Variants in ZNF618 observed in about 807,000 individuals in gnomAD.
The protein encoded by ZNF618 is neural precursor cell expressed, developmentally down-regulated 10.
A neutral mutation model predicts 103.0 loss-of-function variants in ZNF618; 34 were observed. The observed-to-expected ratio is 0.33, with a 90% CI of 0.25 to 0.44. The LOEUF (loss-of-function observed/expected upper bound fraction) is 0.44. Ranked by LOEUF, ZNF618 falls within the 20% of genes least tolerant of loss-of-function variation. The pLI is 1.00. For missense variants in ZNF618, 1,059 were observed against 1,295.4 expected (o/e 0.82, Z 2.80); for synonymous variants, 551 against 542.2 (o/e 1.02, Z -0.23).
chr9:113,960,081 C>T (rs936869575), intron 1 of ZNF618, among the ~76,000 whole-genome samples: 5 of 152,242 alleles, frequency 3.3e-5, no homozygotes, highest in African/African-American at 9.6e-5. Flanking sequence ...TAAACAACAA[C>T]AGCAACAAAA....
At chr9:114,040,073 A>T (rs1845004358) in intron 13 of ZNF618, among the ~76,000 whole-genome samples, 1 of 150,866 alleles carries the variant, frequency 6.6e-6, no homozygotes. Context: ...GAGAAGAAAA[A>T]GTCTTAAATC....
intron 13 of ZNF618, among the ~76,000 whole-genome samples, chr9:114,045,011 C>T (rs1293353642): frequency 1.3e-5 from 2 of 151,960 alleles, no homozygotes; most frequent in Admixed American, 1.3e-4. Flanking sequence ...GGTATATAAT[C>T]ATATCATCAG....
chr9:114,024,599 A>G (rs1371909892), intron 10 of ZNF618, among the ~76,000 whole-genome samples: 2 of 152,276 alleles, frequency 1.3e-5, no homozygotes, highest in Non-Finnish European at 2.9e-5. Flanking sequence ...CTTCTAAGGC[A>G]TGGCCTTTCT....
chr9:114,012,147 C>T (rs564572680), intron 9 of ZNF618, among the ~76,000 whole-genome samples: 1 of 152,104 alleles, frequency 6.6e-6, no homozygotes, highest in Non-Finnish European at 1.5e-5. Flanking sequence ...TTCTGTTTGA[C>T]AACCTCCATC....
At chr9:114,002,178 C>G in intron 5 of ZNF618, 105 bp downstream of exon 5, 2 of 960,758 alleles carry the variant, frequency 2.1e-6, no homozygotes, top group South Asian at 1.3e-5. Flanking sequence ...CCTGACAGCT[C>G]CAGCCTTTCC....
chr9:113,971,728 T>G (rs1278407105), intron 2 of ZNF618, among the ~76,000 whole-genome samples: 1 of 152,126 alleles, frequency 6.6e-6, no homozygotes, highest in African/African-American at 2.4e-5. Context: ...CTGAATTGAG[T>G]ATTATCCCCC....
chr9:113,961,304 C>G (rs1014643057), intron 1 of ZNF618, among the ~76,000 whole-genome samples: 6 of 152,220 alleles, frequency 3.9e-5, no homozygotes, highest in African/African-American at 1.2e-4. Context: ...GTCCCCTTCA[C>G]TGTTCTTGTT....
intron 2 of ZNF618, among the ~76,000 whole-genome samples, chr9:113,983,030 G>A (rs894924628): frequency 6.6e-6 from 1 of 152,134 alleles, no homozygotes; most frequent in Admixed American, 6.5e-5. Context: ...CATATCTTGA[G>A]CAACTATTTT....
intron 1 of ZNF618, among the ~76,000 whole-genome samples, chr9:113,958,871 G>A (rs960624344): frequency 5.9e-5 from 9 of 152,212 alleles, no homozygotes; most frequent in Non-Finnish European, 1.2e-4. Context: ...GCAGCCCATC[G>A]GAGGACAGAA....
chr9:113,924,384 T>G (rs369923271), intron 1 of ZNF618, among the ~76,000 whole-genome samples: 10 of 150,454 alleles, frequency 6.6e-5, no homozygotes, highest in African/African-American at 2.4e-4. Flanking sequence ...CGATTTCTGA[T>G]GTTAGTAATT....
At chr9:114,008,408 C>G in intron 8 of ZNF618, 29 bp downstream of exon 8, 1 of 1,613,994 alleles carries the variant, frequency 6.2e-7, no homozygotes, top group Admixed American at 1.7e-5. Flanking sequence ...CTTGTCACCT[C>G]CCCTGTCCCC....
At chr9:113,974,393 C>G (rs554868763) in intron 2 of ZNF618, among the ~76,000 whole-genome samples, 6 of 152,202 alleles carry the variant, frequency 3.9e-5, no homozygotes, top group Non-Finnish European at 8.8e-5. Context: ...CCTTGGAGAC[C>G]GTTGTCAGGA....
chr9:113,921,296 CT>C (rs1426664831), intron 1 of ZNF618, among the ~76,000 whole-genome samples: 1 of 152,216 alleles, frequency 6.6e-6, no homozygotes, highest in African/African-American at 2.4e-5. Context: ...CTGCTCTGGA[CT>C]TCAGAGAGAA....
In ZNF618 at chr9:113,988,463, G is replaced by T. The variant is rs751930278; in HGVS notation, c.220G>T (p.Val74Leu). The change falls in exon 3 of 15, where the codon GTG becomes TTG. Residue 74 changes from valine to leucine, a missense_variant. Val to Leu is a conservative substitution (Grantham distance 32). This residue lies in a region of ZNF618 where 194 missense variants were observed against 209.0 expected (regional missense o/e 0.93). Coordinates refer to ENST00000374126, the MANE Select transcript of ZNF618 (RefSeq NM_001318042.2). ...TELPDDYIQE[V>L]IWQGEAKEEK... Reference sequence around the variant, plus strand: ...GCTGCCCGATGACTACATCCAGGAGGTGATCTGGCAGGGCGAGGCCAAGGA... The same window carrying T: ...GCTGCCCGATGACTACATCCAGGAGTTGATCTGGCAGGGCGAGGCCAAGGA... 51 of 1,613,666 alleles carry T rather than the reference G, an allele frequency of 3.2e-5. No homozygotes were observed. The highest frequency in any genetic ancestry group is 4.3e-5 in the Non-Finnish European group (51 of 1,179,904).
chr9:113,937,921 A>G lies in ZNF618; in HGVS notation c.34-31196A>G, dbSNP rs192345176. On this transcript the variant is annotated intron_variant, in intron 1 of 14. Transcript: ENST00000374126. ...TACTTTGCCTTCCTAGTGTGATGGC[A>G]TATGTTAGTCTTTTAAAAAGTGTTT... is the stretch of plus-strand genomic sequence containing the variant. 1.1e-4 allele frequency among the ~76,000 whole-genome samples: 16 copies of G among 152,074 alleles called. No homozygotes were observed. The East Asian group carries it at 2.1e-3, about 20-fold the overall frequency.
chr9:114,008,251 G>T, intron 7 of ZNF618, 93 bp from the exon 8 acceptor site: 1 of 1,551,990 alleles, frequency 6.4e-7, no homozygotes, highest in South Asian at 1.2e-5. Flanking sequence ...GATAGGGGCT[G>T]GGAGCAGTGG....
At chr9:114,009,893 T>C (rs1334708308) in intron 9 of ZNF618, among the ~76,000 whole-genome samples, 1 of 152,224 alleles carries the variant, frequency 6.6e-6, no homozygotes, top group African/African-American at 2.4e-5. Context: ...TTTGCTTTCT[T>C]CTTAACTCTT....
rs777671142 is a variant in ZNF618 at position 114,008,525 on chromosome 9, C to T, written c.725C>T (p.Pro242Leu). ...GCCACGGACGAGGTGAAGGAGGAGC[C>T]CCCGGAGCCATTCCAGAAAATCGGG... Reference protein sequence around the residue: ...VVATDEVKEEPPEPFQKIGPK... With the variant: ...VVATDEVKEELPEPFQKIGPK... Residue 242 changes from proline to leucine, a missense_variant, in exon 9 of 15, where the codon CCC (proline) becomes CTC (leucine). Physicochemically the swap from Pro to Leu is moderately conservative, Grantham distance 98. Around this residue, in one of 6 missense-constraint regions of ZNF618, gnomAD observed 434 missense variants for 476.0 expected, o/e 0.91. Transcript: ENST00000374126. 1 of 1,613,954 alleles carries T rather than the reference C, an allele frequency of 6.2e-7. No homozygotes were observed. Among genetic ancestry groups the T allele is most frequent in the South Asian group, 1.1e-5 (1 of 91,074 alleles).
chr9:114,017,997 A>G (rs1842785143), intron 10 of ZNF618, among the ~76,000 whole-genome samples: 1 of 152,134 alleles, frequency 6.6e-6, no homozygotes, highest in Admixed American at 6.5e-5. Flanking sequence ...CTTGCCCCTC[A>G]CTGCTCTGTG....
Sources: gnomAD v4.1 joint callset for allele counts (sites outside exome capture counted in the v4.1 genomes callset) on GRCh38, gnomAD v4.1.1 for gene constraint, gnomAD v4.1.1 regional missense constraint, MANE v1.5 for transcripts, NCBI Gene and HGNC (gene_info 2026-07-23, HGNC 2026-07-21) for gene names.